PCNX1: variants seen among roughly 807,000 people sequenced by gnomAD.
PCNX1 encodes pecanex 1.
PCNX1 carries 78 observed loss-of-function variants against 242.2 expected under a neutral mutation model. The ratio of observed to expected loss-of-function variants is 0.32; its 90% confidence interval spans 0.27 to 0.39. PCNX1 has a LOEUF of 0.39. Among genes scored for constraint, PCNX1 ranks in the 10% least tolerant of loss-of-function variants. The pLI is 1.00. For synonymous variants in PCNX1, 1,024 were observed against 1,032.9 expected, an observed-to-expected ratio of 0.99 and a Z score of 0.17; for missense variants, 2,581 against 2,856.5, an observed-to-expected ratio of 0.90 and a Z score of 2.20.
chr14:71,071,756 T>A (rs2061591979), intron 26 of PCNX1, among the ~76,000 whole-genome samples: 1 of 152,176 alleles, frequency 6.6e-6, no homozygotes, highest in Admixed American at 6.5e-5. Context: ...GACTAATGCA[T>A]TTGGCTTTTG....
At chr14:70,994,394 AAG>A (rs1555357263) in intron 7 of PCNX1, among the ~76,000 whole-genome samples, 1 of 44,742 alleles carries the variant, frequency 2.2e-5, no homozygotes, top group Non-Finnish European at 4.3e-5. Flanking sequence ...CCACAGGCTT[AAG>A]ATATATATAT....
chr14:71,044,842 A>C (rs1490023887), intron 19 of PCNX1, among the ~76,000 whole-genome samples: 4 of 152,262 alleles, frequency 2.6e-5, no homozygotes, highest in African/African-American at 9.6e-5. Flanking sequence ...ACATTCATGT[A>C]ATAGGCAATA....
At chr14:71,103,929 A>C (rs1463094250) in intron 32 of PCNX1, among the ~76,000 whole-genome samples, 2 of 152,106 alleles carry the variant, frequency 1.3e-5, no homozygotes, top group African/African-American at 4.8e-5. Flanking sequence ...TATTTGTTTA[A>C]TTTTTTTAAC....
In PCNX1 at chr14:70,964,560, AG is replaced by A. The variant is rs941101939; in HGVS notation, c.468+2231del. ...GGGCTTTCTTCTTATTGACAGACGT[AG>A]GTAGTATCAGACCCCCAGAGAGTAA... On this transcript the variant is annotated intron_variant, in intron 3 of 35. Transcript: ENST00000304743. Among the ~76,000 whole-genome samples, 3 of 152,170 alleles carry A rather than the reference AG, an allele frequency of 2.0e-5. 1 individual carries two copies. The highest frequency in any genetic ancestry group is 2.0e-4 in the Admixed American group (3 of 15,274).
At chr14:71,065,058 T>A (rs982459066) in intron 26 of PCNX1, among the ~76,000 whole-genome samples, 2 of 152,202 alleles carry the variant, frequency 1.3e-5, no homozygotes, top group Admixed American at 6.5e-5. Context: ...TTGCTGTTGT[T>A]AACAGTGCCA....
intron 2 of PCNX1, among the ~76,000 whole-genome samples, chr14:70,959,328 A>C: frequency 6.7e-6 from 1 of 148,692 alleles, no homozygotes; most frequent in Admixed American, 6.7e-5. Context: ...AGCTGCACCC[A>C]TTAACTCGTC....
At chr14:71,048,045 TAGTC>T in intron 22 of PCNX1, 61 bp downstream of exon 22, 2 of 1,197,208 alleles carry the variant, frequency 1.7e-6, no homozygotes, top group African/African-American at 1.5e-5. Flanking sequence ...GGTTATATGC[TAGTC>T]AGAATTTTTC....
chr14:71,082,116 C>A (rs2061869043), intron 28 of PCNX1, among the ~76,000 whole-genome samples: 1 of 152,088 alleles, frequency 6.6e-6, no homozygotes, highest in Non-Finnish European at 1.5e-5. Flanking sequence ...TCATTATTTA[C>A]CCAATAGTCA....
rs1046870052 is a variant in PCNX1 at position 70,971,115 on chromosome 14, G to GTTTTTT, written c.604+2040_604+2045dup. On this transcript the variant is annotated intron_variant, in intron 5 of 35. Transcript: ENST00000304743. ...AATCTATGCTATACTACTTTATATA[G>GTTTTTT]TTTTTTTTTTTTTTTTTTTTTTTTT... is the stretch of plus-strand genomic sequence containing the variant. Among the ~76,000 whole-genome samples the GTTTTTT allele has an allele frequency of 2.0e-3, 29 of 14,518 alleles. 11 individuals are homozygous for GTTTTTT. The highest frequency in any genetic ancestry group is 3.8e-3 in the African/African-American group (13 of 3,452). 9.5% of individuals were successfully genotyped at this position (14,518 alleles called of 152,430 possible). A position where few individuals can be genotyped will look rare whatever the true frequency, so the allele number is the denominator to read the frequency against.
chr14:71,077,436 G>A (rs2061745723), intron 28 of PCNX1, among the ~76,000 whole-genome samples: 1 of 152,176 alleles, frequency 6.6e-6, no homozygotes, highest in Non-Finnish European at 1.5e-5. Context: ...TGGTCTAGGA[G>A]GTGCATACCG....
chr14:70,933,842 G>C (rs1225243309), intron 1 of PCNX1, among the ~76,000 whole-genome samples: 1 of 152,172 alleles, frequency 6.6e-6, no homozygotes, highest in Non-Finnish European at 1.5e-5. Flanking sequence ...TTAAGTGTTA[G>C]ATTTAATTGA....
intron 24 of PCNX1, chr14:71,053,223 C>G (rs973427087): frequency 1.3e-5 from 6 of 450,680 alleles, no homozygotes; most frequent in Non-Finnish European, 1.8e-5. Context: ...GGCTGCAGTT[C>G]TTAACTTTTT....
chr14:71,053,132 CATG>C (rs1377511311), intron 24 of PCNX1, among the ~76,000 whole-genome samples: 2 of 152,158 alleles, frequency 1.3e-5, no homozygotes, highest in African/African-American at 4.8e-5. Flanking sequence ...TAAAACCACA[CATG>C]ATATTTCCCA....
chr14:70,973,681 T>A (rs2058606966), intron 5 of PCNX1, among the ~76,000 whole-genome samples: 1 of 152,170 alleles, frequency 6.6e-6, no homozygotes, highest in Non-Finnish European at 1.5e-5. Context: ...CATGTTTGTA[T>A]AATTGATTAT....
At chr14:70,952,629 A>G (rs558199012) in intron 2 of PCNX1, among the ~76,000 whole-genome samples, 87 of 152,086 alleles carry the variant, frequency 5.7e-4, no homozygotes, top group African/African-American at 2.0e-3. Flanking sequence ...ACGCATGGTG[A>G]TGTTTGTAGC....
Position 71,003,080 on chromosome 14 carries a change from C to CTTTTTTTTTTTTTTTTTTTTTT in PCNX1, c.2630-6534_2630-6533insTTTTTTTTTTTTTTTTTTTTTT, listed in dbSNP as rs3083307. 1.1e-3 allele frequency among the ~76,000 whole-genome samples: 103 copies of CTTTTTTTTTTTTTTTTTTTTTT among 95,476 alleles called. 15 individuals carry two copies. Among genetic ancestry groups the CTTTTTTTTTTTTTTTTTTTTTT allele is most frequent in the African/African-American group, 4.6e-3 (99 of 21,300 alleles). 62.6% of individuals were successfully genotyped at this position (95,476 alleles called of 152,430 possible). A position where few individuals can be genotyped will look rare whatever the true frequency, so the allele number is the denominator to read the frequency against. On this transcript the variant is annotated intron_variant, in intron 8 of 35. Coordinates refer to ENST00000304743, the MANE Select transcript of PCNX1 (RefSeq NM_014982.3). Reference sequence around the variant, plus strand: ...TAAAAATCGGGTTGTTGGTTGTCTTCTTTTTTTTTTTTTTTTTTTTGAGAC... The same window carrying CTTTTTTTTTTTTTTTTTTTTTT: ...TAAAAATCGGGTTGTTGGTTGTCTTCTTTTTTTTTTTTTTTTTTTTTTTTTTTTTTTTTTTTTTTTTTGAGAC...
intron 5 of PCNX1, among the ~76,000 whole-genome samples, chr14:70,971,623 A>G (rs2810094): frequency 3.3e-5 from 5 of 152,248 alleles, no homozygotes; most frequent in Non-Finnish European, 7.3e-5. Flanking sequence ...TACTGGTAGC[A>G]ATCAACATAT....
At chr14:71,082,543 T>C (rs2061881489) in intron 28 of PCNX1, among the ~76,000 whole-genome samples, 1 of 151,284 alleles carries the variant, frequency 6.6e-6, no homozygotes. Flanking sequence ...TGCTCCTGTA[T>C]TGGGTGTATA....
chr14:70,954,996 G>A (rs1302419819), intron 2 of PCNX1, among the ~76,000 whole-genome samples: 5 of 152,282 alleles, frequency 3.3e-5, no homozygotes, highest in South Asian at 4.1e-4. Context: ...ATCACTGTGC[G>A]TGGTACATTG....
Sources: allele counts gnomAD v4.1 joint callset (sites outside exome capture counted in the v4.1 genomes callset), GRCh38; gene constraint gnomAD v4.1.1; transcripts MANE v1.5; gene names NCBI Gene and HGNC (gene_info 2026-07-23, HGNC 2026-07-21).